The following RASEF variants were observed in gnomAD, a reference collection of about 807,000 sequenced individuals.
RASEF encodes RAS and EF-hand domain containing.
In RASEF, 68 loss-of-function variants were observed where a neutral mutation model predicts 90.1. The ratio of observed to expected loss-of-function variants is 0.75; its 90% confidence interval spans 0.62 to 0.92. RASEF has a LOEUF of 0.92. Ranked by LOEUF, RASEF falls within the 40% of genes least tolerant of loss-of-function variation. The pLI, the probability that RASEF is intolerant of heterozygous loss-of-function variation, is 0.00. For synonymous variants in RASEF, 331 were observed against 345.2 expected, an observed-to-expected ratio of 0.96 and a Z score of 0.46; for missense variants, 949 against 937.2, an observed-to-expected ratio of 1.01 and a Z score of -0.16.
chr9:83,205,415 G>T, the RASEF span, among the ~76,000 whole-genome samples: 16 of 151,996 alleles, frequency 1.1e-4, no homozygotes, highest in African/African-American at 3.9e-4. Context: ...AATGACATTG[G>T]ACATCTCACT....
At chr9:83,154,963 A>G in the RASEF span, among the ~76,000 whole-genome samples, 1 of 152,246 alleles carries the variant, frequency 6.6e-6, no homozygotes, top group Non-Finnish European at 1.5e-5. Context: ...GAAAGGAGGT[A>G]GCAAAGTCTA....
chr9:83,013,061 T>C (rs1407326225), intron 4 of RASEF, among the ~76,000 whole-genome samples: 1 of 152,178 alleles, frequency 6.6e-6, no homozygotes, highest in Non-Finnish European at 1.5e-5. Flanking sequence ...CACTTGATTA[T>C]ATATACCTAC....
At chr9:83,094,417 T>A in the RASEF span, among the ~76,000 whole-genome samples, 1 of 152,064 alleles carries the variant, frequency 6.6e-6, no homozygotes, top group Non-Finnish European at 1.5e-5. Flanking sequence ...ATTAAAATTA[T>A]TTTCATGCTT....
At chr9:83,184,529 A>G in the RASEF span, among the ~76,000 whole-genome samples, 29 of 152,246 alleles carry the variant, frequency 1.9e-4, no homozygotes, top group South Asian at 5.4e-3. Flanking sequence ...TTGCTGGACC[A>G]TTGCCCATGC....
the RASEF span, among the ~76,000 whole-genome samples, chr9:83,136,843 A>G: frequency 6.6e-6 from 1 of 152,054 alleles, no homozygotes; most frequent in Non-Finnish European, 1.5e-5. Flanking sequence ...TGGGTATAAC[A>G]TTTACAAAAT....
At chr9:83,123,902 C>T in the RASEF span, among the ~76,000 whole-genome samples, 1 of 138,968 alleles carries the variant, frequency 7.2e-6, no homozygotes, top group Non-Finnish European at 1.6e-5. Context: ...TCACCACCAT[C>T]CATCTCCAGA....
At chr9:83,075,399 T>G in the RASEF span, among the ~76,000 whole-genome samples, 5 of 152,214 alleles carry the variant, frequency 3.3e-5, no homozygotes, top group African/African-American at 1.2e-4. Context: ...TTTTTGAAAG[T>G]AGACAGGGTT....
At chr9:83,120,081 T>A in the RASEF span, among the ~76,000 whole-genome samples, 1 of 152,204 alleles carries the variant, frequency 6.6e-6, no homozygotes, top group Non-Finnish European at 1.5e-5. Flanking sequence ...TATATTGACA[T>A]TTAAGATTCT....
chr9:83,023,675 G>A (rs768170281), intron 2 of RASEF, among the ~76,000 whole-genome samples: 2 of 152,178 alleles, frequency 1.3e-5, no homozygotes, highest in Non-Finnish European at 2.9e-5. Context: ...GTTCATTTCT[G>A]CTTATAAATA....
intron 8 of RASEF, 25 bp from the exon 9 acceptor site, chr9:83,004,611 T>C: frequency 7.3e-7 from 1 of 1,371,664 alleles, no homozygotes; most frequent in Non-Finnish European, 1.0e-6. Context: ...TAATCATTTG[T>C]TAGTTCATGT....
At chr9:83,047,408 A>G (rs987997784) in intron 1 of RASEF, among the ~76,000 whole-genome samples, 8 of 152,244 alleles carry the variant, frequency 5.3e-5, no homozygotes, top group Non-Finnish European at 1.2e-4. Context: ...GAAAGAAAAC[A>G]ATACTACAAT....
At chr9:83,003,468 A>G (rs751561659) in intron 9 of RASEF, among the ~76,000 whole-genome samples, 3 of 152,140 alleles carry the variant, frequency 2.0e-5, no homozygotes, top group African/African-American at 4.8e-5. Flanking sequence ...TTTCCCCCCA[A>G]TTTGCTTAGA....
At chr9:83,146,470 C>T in the RASEF span, among the ~76,000 whole-genome samples, 1 of 152,158 alleles carries the variant, frequency 6.6e-6, no homozygotes, top group African/African-American at 2.4e-5. Context: ...ATTGCTGCTA[C>T]TTGCTTGTTA....
At chr9:83,078,161 G>A in the RASEF span, among the ~76,000 whole-genome samples, 83 of 152,232 alleles carry the variant, frequency 5.5e-4, no homozygotes, top group African/African-American at 2.0e-3. Flanking sequence ...TGTTTAACAA[G>A]TCCCCCAGGT....
Position 83,062,515 on chromosome 9 carries a change from G to C in RASEF, c.353C>G (p.Ser118Trp). 2 of 1,610,238 alleles carry C rather than the reference G, an allele frequency of 1.2e-6. No homozygotes were observed. Among genetic ancestry groups the C allele is most frequent in the Middle Eastern group, 1.7e-4 (1 of 6,052 alleles). ...DEDAAAALAT[S>W]CGPASPGRAW... ...CCGGCCGGGACTCGCCGGGCCGCAC[G>C]AGGTGGCCAGCGCCGCCGCCGCGTC... The change falls in exon 1 of 17, where the codon TCG becomes TGG. Residue 118 changes from serine (S) to tryptophan (W), a missense_variant. By Grantham distance (177) the Ser-to-Trp change is radical. This residue lies in a region of RASEF where 656 missense variants were observed against 592.2 expected (regional missense o/e 1.11). Transcript: ENST00000376447.
chr9:83,108,908 T>G, the RASEF span, among the ~76,000 whole-genome samples: 1 of 152,164 alleles, frequency 6.6e-6, no homozygotes, highest in Non-Finnish European at 1.5e-5. Flanking sequence ...AACCCAACTC[T>G]GAGAAGCCTT....
At chr9:83,173,433 GT>G in the RASEF span, among the ~76,000 whole-genome samples, 3 of 151,194 alleles carry the variant, frequency 2.0e-5, no homozygotes, top group Non-Finnish European at 4.4e-5. Flanking sequence ...CTTTTTCATT[GT>G]TTTTTCTCCT....
At chr9:83,198,973 C>A in the RASEF span, among the ~76,000 whole-genome samples, 2,158 of 152,214 alleles carry the variant, frequency 0.014, 41 homozygotes, top group African/African-American at 0.048. Context: ...CAGGCTCATA[C>A]GAGACATGAC....
rs201950984 is a variant in RASEF, at chr9:82,988,322, A to C, written c.2117+2069T>G. Among the ~76,000 whole-genome samples, 11 of 152,234 alleles carry C rather than the reference A, an allele frequency of 7.2e-5. No individual in the cohort carries two copies. The East Asian group carries it at 2.1e-3, about 29-fold the overall frequency. ...CCCGACAGATAAAAGTTTTACTCTG[A>C]CTCTTTTTGCACAAATGTGATATTA... On this transcript the variant is annotated intron_variant, in intron 16 of 16. Coordinates refer to ENST00000376447, the MANE Select transcript of RASEF (RefSeq NM_152573.4).
Sources: gnomAD v4.1 joint callset for allele counts (sites outside exome capture counted in the v4.1 genomes callset) on GRCh38, gnomAD v4.1.1 for gene constraint, gnomAD v4.1.1 regional missense constraint, MANE v1.5 for transcripts, NCBI Gene and HGNC (gene_info 2026-07-23, HGNC 2026-07-21) for gene names.